KIF18B: variants seen among roughly 807,000 people sequenced by gnomAD.
The protein encoded by KIF18B is kinesin family member 18B.
Under a neutral mutation model 80.9 loss-of-function variants are expected in KIF18B, and 49 were observed. That is an observed-to-expected ratio of 0.61 (90% CI 0.48 to 0.77). The LOEUF is 0.77. Among genes scored for constraint, KIF18B ranks in the 30% least tolerant of loss-of-function variants. The probability of loss-of-function intolerance (pLI) is 0.00; values close to 1 mark genes in which losing one functional copy is unlikely to be tolerated. For synonymous variants in KIF18B, 439 were observed against 463.9 expected, an observed-to-expected ratio of 0.95 and a Z score of 0.69; for missense variants, 994 against 1,127.7, an observed-to-expected ratio of 0.88 and a Z score of 1.70.
chr17:44,936,581 T>A (rs2052301070), intron 1 of KIF18B, among the ~76,000 whole-genome samples: 1 of 56,406 alleles, frequency 1.8e-5, no homozygotes, highest in Non-Finnish European at 3.7e-5. Context: ...TCTCTCTCTC[T>A]CTCTCTCTCT....
chr17:44,926,234 G>A (rs768689527), intron 15 of KIF18B, 48 bp from the exon 16 acceptor site: 24 of 1,609,466 alleles, frequency 1.5e-5, no homozygotes, highest in Non-Finnish European at 2.0e-5. Flanking sequence ...AGGAAGGAAA[G>A]TGACGCTCTG....
chr17:44,933,023 T>C (rs1003257821), intron 7 of KIF18B, 37 bp from the exon 8 acceptor site: 1 of 1,581,092 alleles, frequency 6.3e-7, no homozygotes, highest in Non-Finnish European at 8.7e-7. Flanking sequence ...TATTTGTTCA[T>C]TCAAAGCAGC....
intron 1 of KIF18B, among the ~76,000 whole-genome samples, chr17:44,941,155 C>A (rs1364550709): frequency 6.6e-6 from 1 of 152,092 alleles, no homozygotes; most frequent in African/African-American, 2.4e-5. Context: ...AGCCCCATTC[C>A]AATCCAGGCA....
chr17:44,932,411 G>C, intron 9 of KIF18B: 1 of 612,692 alleles, frequency 1.6e-6, no homozygotes, highest in Non-Finnish European at 2.8e-6. Context: ...TTTCTGGTTT[G>C]AGAGACAATG....
At chr17:44,933,699 C>T (rs1281659519) in intron 7 of KIF18B, among the ~76,000 whole-genome samples, 1 of 152,002 alleles carries the variant, frequency 6.6e-6, no homozygotes, top group Admixed American at 6.5e-5. Context: ...CATCATGCTG[C>T]CCAGGCTGGT....
At chr17:44,942,687 A>G (rs1195283049) in intron 1 of KIF18B, among the ~76,000 whole-genome samples, 2 of 152,252 alleles carry the variant, frequency 1.3e-5, no homozygotes, top group East Asian at 3.8e-4. Context: ...CCCAGCATGC[A>G]GCAGATGCTG....
intron 1 of KIF18B, among the ~76,000 whole-genome samples, chr17:44,942,324 C>G (rs1401653795): frequency 6.6e-6 from 1 of 152,190 alleles, no homozygotes; most frequent in Non-Finnish European, 1.5e-5. Flanking sequence ...GAGGCTAGTG[C>G]TCTGCCAGGC....
chr17:44,933,819 G>A, intron 7 of KIF18B, 104 bp downstream of exon 7: 3 of 1,131,594 alleles, frequency 2.7e-6, no homozygotes, highest in Middle Eastern at 3.0e-4. Flanking sequence ...CTCTGCCTTG[G>A]GGACACTTGG....
In KIF18B at chr17:44,946,060, C is replaced by CA. The variant is rs57457345; in HGVS notation, c.-15+1567dup. The stretch of plus-strand genomic sequence containing the variant: ...CATAGGGAGAACTTGTCTCTACTTC[C>CA]AAAAAAAAAAAAAAATTGTAAATGT... On this transcript the variant is annotated intron_variant, in intron 1 of 15. Coordinates refer to ENST00000593135, the MANE Select transcript of KIF18B (RefSeq NM_001265577.2). Among the ~76,000 whole-genome samples, 624 of 132,668 alleles carry CA rather than the reference C, an allele frequency of 4.7e-3. 3 individuals are homozygous for CA. Among genetic ancestry groups the CA allele is most frequent in the African/African-American group, 9.8e-3 (374 of 38,136 alleles). 87.0% of individuals were successfully genotyped at this position (132,668 alleles called of 152,430 possible).
intron 1 of KIF18B, among the ~76,000 whole-genome samples, chr17:44,945,934 C>G (rs1239730882): frequency 1.6e-5 from 2 of 126,472 alleles, no homozygotes; most frequent in Admixed American, 8.1e-5. Flanking sequence ...AAAATCCAAA[C>G]ATGGGCTGGG....
rs57130293 is a variant in KIF18B at position 44,937,977 on chromosome 17, T to TACACACAC, written c.-14-1627_-14-1620dup. On this transcript the variant is annotated intron_variant, in intron 1 of 15. Transcript: ENST00000593135. Reference sequence around the variant, plus strand: ...TATCAATGCTCTTTCAGCATCTCCATACACACACACACACACACACACACA... The same window carrying TACACACAC: ...TATCAATGCTCTTTCAGCATCTCCATACACACACACACACACACACACACACACACACA... Among the ~76,000 whole-genome samples, 366 of 144,042 alleles carry TACACACAC rather than the reference T, an allele frequency of 2.5e-3. 1 individual carries two copies. Among genetic ancestry groups the TACACACAC allele is most frequent in the African/African-American group, 8.5e-3 (332 of 39,234 alleles). 94.5% of individuals were successfully genotyped at this position (144,042 alleles called of 152,430 possible).
At chr17:44,935,074 T>A in intron 3 of KIF18B, 139 bp from the exon 4 acceptor site, 1 of 875,676 alleles carries the variant, frequency 1.1e-6, no homozygotes, top group Non-Finnish European at 1.7e-6. Flanking sequence ...CTGTGTTACA[T>A]GACCACAGCA....
In KIF18B at chr17:44,931,732, A is replaced by G; in HGVS notation, c.1390-3T>C. 1 of 1,613,824 alleles carries G rather than the reference A, an allele frequency of 6.2e-7. No individual in the cohort carries two copies. Among genetic ancestry groups the G allele is most frequent in the Non-Finnish European group, 8.5e-7 (1 of 1,179,816 alleles). On this transcript the variant is annotated splice_region_variant and splice_polypyrimidine_tract_variant and intron_variant, in intron 10 of 15. Transcript: ENST00000593135. ...TGCTCTGGCATCTGGGTTGGAACCTAAAGAGGAAGGAAAAGGCACAGGTAG... is the reference window on the plus strand; with the variant it reads ...TGCTCTGGCATCTGGGTTGGAACCTGAAGAGGAAGGAAAAGGCACAGGTAG...
In KIF18B at chr17:44,933,843, T is replaced by G. The variant is rs116703237; in HGVS notation, c.1062+80A>C. 6.8e-4 allele frequency: 918 copies of G among 1,341,572 alleles called. 6 individuals carry two copies. The African/African-American group carries it at 0.011, about 16-fold the overall frequency. The allele number at this position is 1,341,572 out of a possible 1,614,324, so 83.1% of individuals were successfully genotyped here. ...GGGGACACTTGGCCCAGGGATCTATTGGAGCTGCCTGGGTCCCACCCTTTC... is the reference window on the plus strand; with the variant it reads ...GGGGACACTTGGCCCAGGGATCTATGGGAGCTGCCTGGGTCCCACCCTTTC... On this transcript the variant is annotated intron_variant, in intron 7 of 15. Transcript: ENST00000593135.
intron 9 of KIF18B, 132 bp downstream of exon 9, chr17:44,932,541 G>A (rs1472442645): frequency 4.5e-6 from 3 of 669,464 alleles, no homozygotes; most frequent in Non-Finnish European, 7.9e-6. Flanking sequence ...CAGGCACTGG[G>A]TGCAAACCCT....
rs181031013 is a variant in KIF18B at position 44,939,565 on chromosome 17, T to C, written c.-14-3207A>G. 2.8e-4 allele frequency among the ~76,000 whole-genome samples: 42 copies of C among 152,156 alleles called. 1 individual carries two copies. Among genetic ancestry groups the C allele is most frequent in the Admixed American group, 2.2e-3 (33 of 15,292 alleles). On this transcript the variant is annotated intron_variant, in intron 1 of 15. Transcript: ENST00000593135. Reference sequence around the variant, plus strand: ...ATGATTTTAGAATCAGCTTATGAACTTCTATGAAAAATCCTGCTAAGATTT... The same window carrying C: ...ATGATTTTAGAATCAGCTTATGAACCTCTATGAAAAATCCTGCTAAGATTT...
At chr17:44,937,446 A>G (rs1031144889) in intron 1 of KIF18B, among the ~76,000 whole-genome samples, 1 of 152,054 alleles carries the variant, frequency 6.6e-6, no homozygotes, top group Non-Finnish European at 1.5e-5. Context: ...ATAGTTTTCT[A>G]TCTCTTCAGT....
chr17:44,940,496 T>G (rs539138534), intron 1 of KIF18B, among the ~76,000 whole-genome samples: 1 of 152,120 alleles, frequency 6.6e-6, no homozygotes, highest in East Asian at 1.9e-4. Context: ...TCCCCAGACC[T>G]CTCTCCCTGG....
chr17:44,934,086 T>A lies in KIF18B; in HGVS notation c.899A>T (p.His300Leu). 6.2e-7 allele frequency: 1 copy of A among 1,612,590 alleles called. No individual in the cohort carries two copies. Among genetic ancestry groups the A allele is most frequent in the Non-Finnish European group, 8.5e-7 (1 of 1,179,450 alleles). ...CAGTTTGCTGTCCCGGTAGGGCACA[T>A]GGGTCTTGCGGCCCTGGGGGGCAGT... ...ALADAKGRKT[H>L]VPYRDSKLTR... The change falls in exon 7 of 16, where the codon CAT (histidine) becomes CTT (leucine). Residue 300 changes from histidine to leucine, a missense_variant. By Grantham distance (99) the His-to-Leu change is moderately conservative. Coordinates refer to ENST00000593135, the MANE Select transcript of KIF18B (RefSeq NM_001265577.2). The surrounding 1 kb of genome is among the most constrained non-coding windows in gnomAD (Gnocchi z 5.4).
Sources: gnomAD v4.1 joint callset for allele counts (sites outside exome capture counted in the v4.1 genomes callset) on GRCh38, gnomAD v4.1.1 for gene constraint, Gnocchi (gnomAD v3.1) non-coding constraint, MANE v1.5 for transcripts, NCBI Gene and HGNC (gene_info 2026-07-23, HGNC 2026-07-21) for gene names.